PDE10A: variants seen among roughly 807,000 people sequenced by gnomAD.
The protein encoded by PDE10A is cAMP and cAMP-inhibited cGMP 3',5'-cyclic phosphodiesterase 10A.
A neutral mutation model predicts 97.7 loss-of-function variants in PDE10A; 39 were observed. That is an observed-to-expected ratio of 0.40 (90% CI 0.31 to 0.52). The LOEUF (loss-of-function observed/expected upper bound fraction) is 0.52. Among genes scored for constraint, PDE10A ranks in the 20% least tolerant of loss-of-function variants. The pLI is 0.56. For missense variants in PDE10A, 731 were observed against 1,047.8 expected, an observed-to-expected ratio of 0.70 and a Z score of 4.17; for synonymous variants, 371 against 376.8, an observed-to-expected ratio of 0.98 and a Z score of 0.18.
At chr6:165,806,623 G>A (rs1191884741) in intron 1 of PDE10A, among the ~76,000 whole-genome samples, 1 of 151,392 alleles carries the variant, frequency 6.6e-6, no homozygotes, top group Admixed American at 6.6e-5. Context: ...GCTACTTCCT[G>A]GACATGCTGC....
intron 1 of PDE10A, among the ~76,000 whole-genome samples, chr6:165,730,215 A>C (rs1792396348): frequency 6.6e-6 from 1 of 151,742 alleles, no homozygotes; most frequent in African/African-American, 2.4e-5. Context: ...CATGGTAGGG[A>C]GTTCTGAGAC....
intron 1 of PDE10A, among the ~76,000 whole-genome samples, chr6:165,689,555 G>A (rs1311465642): frequency 1.3e-5 from 2 of 152,128 alleles, no homozygotes; most frequent in Non-Finnish European, 2.9e-5. Context: ...TTCTCGTTCT[G>A]TTAGTTCACG....
chr6:165,966,545 C>T (rs574248618), intron 1 of PDE10A, among the ~76,000 whole-genome samples: 11 of 152,208 alleles, frequency 7.2e-5, no homozygotes, highest in Non-Finnish European at 1.5e-4. Context: ...GGGTGGGAAG[C>T]CCACTTGCTT....
At chr6:165,479,642 C>A (rs1779488383) in intron 3 of PDE10A, among the ~76,000 whole-genome samples, 1 of 152,172 alleles carries the variant, frequency 6.6e-6, no homozygotes, top group Non-Finnish European at 1.5e-5. Flanking sequence ...CACACATATA[C>A]ACATCCATAA....
intron 1 of PDE10A, among the ~76,000 whole-genome samples, chr6:165,737,859 A>T (rs1320560557): frequency 6.6e-6 from 1 of 152,194 alleles, no homozygotes; most frequent in Non-Finnish European, 1.5e-5. Context: ...GAAGAAGTAA[A>T]ATTGTCTCTT....
At chr6:165,506,475 C>A (rs555782637) in intron 2 of PDE10A, among the ~76,000 whole-genome samples, 1 of 151,972 alleles carries the variant, frequency 6.6e-6, no homozygotes, top group African/African-American at 2.4e-5. Flanking sequence ...TTTTACATCA[C>A]GTATAATAGA....
chr6:165,557,445 T>C (rs764771544), intron 1 of PDE10A, among the ~76,000 whole-genome samples: 3 of 152,192 alleles, frequency 2.0e-5, no homozygotes, highest in Non-Finnish European at 4.4e-5. Flanking sequence ...ATGAACATTA[T>C]CATTTATTTA....
chr6:165,351,248 G>A (rs1782675968), intron 18 of PDE10A, among the ~76,000 whole-genome samples: 2 of 152,038 alleles, frequency 1.3e-5, no homozygotes, highest in South Asian at 4.1e-4. Context: ...CACAGTTGTG[G>A]TCACAATGTC....
At chr6:165,401,986 A>G (rs1350187911) in intron 13 of PDE10A, among the ~76,000 whole-genome samples, 3 of 152,164 alleles carry the variant, frequency 2.0e-5, no homozygotes, top group African/African-American at 7.2e-5. Context: ...GTAAATTGGT[A>G]TTACCTGTAA....
intron 6 of PDE10A, among the ~76,000 whole-genome samples, chr6:165,433,540 CT>C (rs1204111404): frequency 6.6e-6 from 1 of 152,114 alleles, no homozygotes; most frequent in Non-Finnish European, 1.5e-5. Flanking sequence ...TATTTATAAA[CT>C]TTTTTTCTAT....
intron 1 of PDE10A, chr6:165,775,559 A>G (rs1778157176): frequency 6.6e-6 from 1 of 152,146 alleles, no homozygotes; most frequent in African/African-American, 2.4e-5. Context: ...CCCATCCATC[A>G]CAGGACATAA....
At chr6:165,615,763 C>T (rs573512164) in intron 1 of PDE10A, among the ~76,000 whole-genome samples, 59 of 152,302 alleles carry the variant, frequency 3.9e-4, no homozygotes, top group African/African-American at 1.3e-3. Context: ...CACACTCCCG[C>T]TGCTTCTCTC....
chr6:165,420,097 A>G (rs968550402), intron 10 of PDE10A, among the ~76,000 whole-genome samples: 1 of 152,224 alleles, frequency 6.6e-6, no homozygotes, highest in African/African-American at 2.4e-5. Context: ...TGAGCTACAG[A>G]AACAGCAGAA....
intron 1 of PDE10A, among the ~76,000 whole-genome samples, chr6:165,548,552 T>C (rs947947458): frequency 3.9e-5 from 6 of 152,154 alleles, no homozygotes; most frequent in Non-Finnish European, 7.3e-5. Context: ...TTCTTGAAAA[T>C]TGACATTAGT....
intron 2 of PDE10A, among the ~76,000 whole-genome samples, chr6:165,493,640 G>A (rs1780351554): frequency 1.3e-5 from 2 of 152,040 alleles, no homozygotes; most frequent in Non-Finnish European, 2.9e-5. Context: ...GAATGAAACT[G>A]GATCCTCATC....
chr6:165,537,962 C>T (rs1448624893), intron 2 of PDE10A, among the ~76,000 whole-genome samples: 2 of 151,948 alleles, frequency 1.3e-5, no homozygotes, highest in Non-Finnish European at 2.9e-5. Context: ...ATCCCACTTA[C>T]TAAACCTTCC....
chr6:165,457,208 T>C (rs1257473715), intron 3 of PDE10A, among the ~76,000 whole-genome samples: 1 of 152,184 alleles, frequency 6.6e-6, no homozygotes, highest in Non-Finnish European at 1.5e-5. Flanking sequence ...AATAAAGATG[T>C]TAAGAACTTG....
At chr6:165,650,038 T>A (rs1310588785) in intron 1 of PDE10A, among the ~76,000 whole-genome samples, 2 of 152,200 alleles carry the variant, frequency 1.3e-5, no homozygotes, top group African/African-American at 4.8e-5. Context: ...GCAATTTTTT[T>A]AATATTCATC....
intron 1 of PDE10A, among the ~76,000 whole-genome samples, chr6:165,810,189 A>C (rs555373623): frequency 6.6e-6 from 1 of 152,326 alleles, no homozygotes; most frequent in South Asian, 2.1e-4. Flanking sequence ...AGAACACTGC[A>C]TTCTGGCCGG....
Sources: allele counts gnomAD v4.1 joint callset (sites outside exome capture counted in the v4.1 genomes callset), GRCh38; gene constraint gnomAD v4.1.1; transcripts MANE v1.5; gene names NCBI Gene and HGNC (gene_info 2026-07-23, HGNC 2026-07-21).